MYO5B: variants seen among roughly 807,000 people sequenced by gnomAD.
MYO5B encodes the protein myosin VB, also known as unconventional myosin-Vb.
Under a neutral mutation model 229.3 loss-of-function variants are expected in MYO5B, and 143 were observed. The ratio of observed to expected loss-of-function variants is 0.62; its 90% confidence interval spans 0.54 to 0.72. The LOEUF is 0.72. Ranked by LOEUF, MYO5B falls within the 30% of genes least tolerant of loss-of-function variation. The pLI is 0.00. For missense variants in MYO5B, 2,321 were observed against 2,331.0 expected, an observed-to-expected ratio of 1.00 and a Z score of 0.09; for synonymous variants, 918 against 885.2, an observed-to-expected ratio of 1.04 and a Z score of -0.66.
At chr18:50,060,991 A>G (rs532416698) in intron 1 of MYO5B, among the ~76,000 whole-genome samples, 1 of 152,282 alleles carries the variant, frequency 6.6e-6, no homozygotes, top group African/African-American at 2.4e-5. Flanking sequence ...CATGTGCTGC[A>G]GGCCTCTCCC....
intron 4 of MYO5B, among the ~76,000 whole-genome samples, chr18:50,033,885 G>T (rs568101595): frequency 7.0e-6 from 1 of 143,080 alleles, no homozygotes; most frequent in Non-Finnish European, 1.5e-5. Context: ...CTTTCCTCCA[G>T]CACTAGCAGT....
chr18:50,034,894 A>C (rs1279645176), intron 4 of MYO5B, among the ~76,000 whole-genome samples: 1 of 152,214 alleles, frequency 6.6e-6, no homozygotes, highest in East Asian at 1.9e-4. Context: ...TGGTAAAACA[A>C]GTATAAACCT....
chr18:50,162,992 T>A (rs2032792300), intron 1 of MYO5B, among the ~76,000 whole-genome samples: 1 of 152,198 alleles, frequency 6.6e-6, no homozygotes, highest in African/African-American at 2.4e-5. Flanking sequence ...GTTGAGGCAG[T>A]CATGTTTTAC....
At chr18:50,072,383 GGA>G (rs2030978318) in intron 1 of MYO5B, among the ~76,000 whole-genome samples, 1 of 152,198 alleles carries the variant, frequency 6.6e-6, no homozygotes, top group Admixed American at 6.5e-5. Flanking sequence ...CATTTATGTG[GGA>G]GAGAGACAAG....
In MYO5B at chr18:49,878,886, C is replaced by G. The variant is rs183558477; in HGVS notation, c.3276+59G>C. 202 of 1,601,866 alleles carry G rather than the reference C, an allele frequency of 1.3e-4. No homozygotes were observed. The African/African-American group carries it at 2.4e-3, about 19-fold the overall frequency. ...AAAGCAGTGCCTGAGATCACGTGGTCAGAAGCTGGACAGGAGCCAGGGACC... is the reference window on the plus strand; with the variant it reads ...AAAGCAGTGCCTGAGATCACGTGGTGAGAAGCTGGACAGGAGCCAGGGACC... On this transcript the variant is annotated intron_variant, in intron 24 of 39. Transcript: ENST00000285039.
At position 50,048,016 on chromosome 18, in the gene MYO5B, C is replaced by T. The variant is rs374239543; in HGVS notation, c.138+7252G>A. On this transcript the variant is annotated intron_variant, in intron 2 of 39. Transcript: ENST00000285039. ...TGACCAGTTAATGGGTGCAGCACAC[C>T]AACATGGCACATGTATACATATGTA... Among the ~76,000 whole-genome samples the T allele has an allele frequency of 4.0e-5, 6 of 150,818 alleles. No homozygotes were observed. In the South Asian group the frequency reaches 8.4e-4, roughly 21 times the overall value.
At position 50,028,295 on chromosome 18, in the gene MYO5B, A is replaced by G. The variant is rs115870491; in HGVS notation, c.455+8555T>C. On this transcript the variant is annotated intron_variant, in intron 4 of 39. Coordinates refer to ENST00000285039, the MANE Select transcript of MYO5B (RefSeq NM_001080467.3). ...TGGCTTGTAAACTTATAATAAGTAA[A>G]CAACATGAAACACCTGCCAAAAATA... 2.9e-3 allele frequency among the ~76,000 whole-genome samples: 449 copies of G among 152,306 alleles called. 2 individuals are homozygous for G. The highest frequency in any genetic ancestry group is 0.01 in the African/African-American group (428 of 41,562).
chr18:49,941,991 T>C (rs2025319043), intron 14 of MYO5B, among the ~76,000 whole-genome samples: 1 of 91,216 alleles, frequency 1.1e-5, no homozygotes, highest in South Asian at 3.1e-4. Flanking sequence ...CATAGATCAA[T>C]GGGATCTATG....
At chr18:50,146,938 C>G (rs2032512807) in intron 1 of MYO5B, among the ~76,000 whole-genome samples, 1 of 152,148 alleles carries the variant, frequency 6.6e-6, no homozygotes, top group South Asian at 2.1e-4. Flanking sequence ...CCCTGTCCCC[C>G]TCAGAGTATT....
At chr18:50,149,420 C>G (rs942227582) in intron 1 of MYO5B, among the ~76,000 whole-genome samples, 7 of 152,056 alleles carry the variant, frequency 4.6e-5, no homozygotes, top group Admixed American at 1.3e-4. Context: ...CATCATGCTA[C>G]CTGACTTCAA....
rs1350762694 is a variant in MYO5B at position 50,040,173 on chromosome 18, G to C, written c.280C>G (p.Leu94Val). ...TAAGTGTAGATATGGTTGGACTCCA[G>C]GAAACGGACCTTCAAATTATGCAAA... ...AVLHNLKVRF[L>V]ESNHIYTYCG... The change falls in exon 3 of 40, where the codon CTG becomes GTG. Residue 94 changes from leucine to valine, a missense_variant. This residue lies in a region of MYO5B where 2,113 missense variants were observed against 2,044.7 expected (regional missense o/e 1.03). Coordinates refer to ENST00000285039, the MANE Select transcript of MYO5B (RefSeq NM_001080467.3). 1.9e-6 allele frequency: 3 copies of C among 1,613,296 alleles called. No homozygotes were observed. The highest frequency in any genetic ancestry group is 2.5e-6 in the Non-Finnish European group (3 of 1,179,752).
intron 4 of MYO5B, among the ~76,000 whole-genome samples, chr18:50,014,787 G>C (rs1287037170): frequency 1.3e-5 from 2 of 152,208 alleles, no homozygotes; most frequent in East Asian, 3.8e-4. Flanking sequence ...TGAAGGTGGG[G>C]TTCAGCTGTT....
At chr18:50,059,156 C>T (rs1029451663) in intron 1 of MYO5B, among the ~76,000 whole-genome samples, 2 of 152,216 alleles carry the variant, frequency 1.3e-5, no homozygotes, top group African/African-American at 4.8e-5. Flanking sequence ...CTAGCACATC[C>T]TGGCACGGAA....
chr18:50,158,451 G>A (rs868762372), intron 1 of MYO5B, among the ~76,000 whole-genome samples: 8 of 152,092 alleles, frequency 5.3e-5, no homozygotes, highest in African/African-American at 1.4e-4. Context: ...TCTTGGAAGC[G>A]CCATTTCTGA....
chr18:49,900,860 T>C (rs963666113), intron 21 of MYO5B, among the ~76,000 whole-genome samples: 1 of 152,160 alleles, frequency 6.6e-6, no homozygotes, highest in African/African-American at 2.4e-5. Flanking sequence ...GCAGTAGGCA[T>C]GCACGGGAAA....
chr18:49,859,802 G>T lies in MYO5B; in HGVS notation c.3945-2912C>A, dbSNP rs533304742. The stretch of plus-strand genomic sequence containing the variant: ...GACTGGTTAAAGCTGGGCCCTCTGG[G>T]GAGGGGCTGGGCAGAAGCTAGCTCT... On this transcript the variant is annotated intron_variant, in intron 29 of 39. Coordinates refer to ENST00000285039, the MANE Select transcript of MYO5B (RefSeq NM_001080467.3). Among the ~76,000 whole-genome samples the T allele has an allele frequency of 6.6e-5, 10 of 152,320 alleles. No homozygotes were observed. The East Asian group carries it at 1.7e-3, about 26-fold the overall frequency.
intron 2 of MYO5B, among the ~76,000 whole-genome samples, chr18:50,050,660 AG>A (rs2030366700): frequency 6.6e-6 from 1 of 152,218 alleles, no homozygotes. Context: ...TAACACCTTC[AG>A]GCCTCAGAGA....
chr18:49,919,664 A>C (rs773396032), intron 17 of MYO5B, among the ~76,000 whole-genome samples: 28 of 152,238 alleles, frequency 1.8e-4, no homozygotes, highest in Non-Finnish European at 3.5e-4. Flanking sequence ...AAAAGGACAG[A>C]CAAGAACAAA....
chr18:49,856,678 C>T, intron 30 of MYO5B, 135 bp downstream of exon 30: 1 of 767,020 alleles, frequency 1.3e-6, no homozygotes, highest in Non-Finnish European at 2.3e-6. Flanking sequence ...TGGTCAACCA[C>T]AGGGGCTACC....
Sources: allele counts gnomAD v4.1 joint callset (sites outside exome capture counted in the v4.1 genomes callset), GRCh38; gene constraint gnomAD v4.1.1; regional missense constraint gnomAD v4.1.1; transcripts MANE v1.5; gene names NCBI Gene and HGNC (gene_info 2026-07-23, HGNC 2026-07-21).